EYA1: variants seen among roughly 807,000 people sequenced by gnomAD.
EYA1 encodes EYA transcriptional coactivator and phosphatase 1, also known as protein phosphatase EYA1.
In EYA1, 16 loss-of-function variants were observed where a neutral mutation model predicts 82.0. That is an observed-to-expected ratio of 0.20 (90% CI 0.13 to 0.30). The LOEUF (loss-of-function observed/expected upper bound fraction) is 0.30, where lower values mean the gene tolerates loss of function less well. Ranked by LOEUF, EYA1 falls within the 10% of genes least tolerant of loss-of-function variation. The pLI, the probability that EYA1 is intolerant of heterozygous loss-of-function variation, is 1.00. For missense variants in EYA1, 633 were observed against 730.7 expected (o/e 0.87, Z 1.54); for synonymous variants, 261 against 264.4 (o/e 0.99, Z 0.12).
At chr8:71,370,065 C>G (rs1827992251) in intron 2 of EYA1, among the ~76,000 whole-genome samples, 2 of 151,992 alleles carry the variant, frequency 1.3e-5, no homozygotes, top group Admixed American at 1.3e-4. Context: ...ATACCACATT[C>G]TAGCTATGTC....
At chr8:71,315,742 A>G (rs1821855887) in intron 7 of EYA1, among the ~76,000 whole-genome samples, 1 of 152,214 alleles carries the variant, frequency 6.6e-6, no homozygotes, top group African/African-American at 2.4e-5. Context: ...GATATTCAGC[A>G]TGTGCAGAAC....
chr8:71,293,481 A>G (rs1203639382), intron 9 of EYA1, among the ~76,000 whole-genome samples: 2 of 152,200 alleles, frequency 1.3e-5, no homozygotes, highest in Non-Finnish European at 2.9e-5. Context: ...AGGCATTACA[A>G]GATATGAAAA....
chr8:71,313,199 G>T (rs972006), intron 7 of EYA1, among the ~76,000 whole-genome samples: 1 of 151,768 alleles, frequency 6.6e-6, no homozygotes, highest in East Asian at 1.9e-4. Flanking sequence ...TTTCTCCCCC[G>T]CTTTTTCGGT....
At chr8:71,545,347 C>A (rs537017371) in intron 1 of EYA1, among the ~76,000 whole-genome samples, 77 of 151,990 alleles carry the variant, frequency 5.1e-4, no homozygotes, top group African/African-American at 1.6e-3. Context: ...TTTTTATATC[C>A]AAAAAGAAAC....
intron 2 of EYA1, among the ~76,000 whole-genome samples, chr8:71,421,958 G>T (rs1249052245): frequency 6.6e-6 from 1 of 152,128 alleles, no homozygotes; most frequent in African/African-American, 2.4e-5. Flanking sequence ...CAGTATTCAA[G>T]GTATGTTGGG....
At chr8:71,370,540 C>T (rs1828021211) in intron 2 of EYA1, among the ~76,000 whole-genome samples, 2 of 151,308 alleles carry the variant, frequency 1.3e-5, no homozygotes, top group South Asian at 4.2e-4. Context: ...CCCTAGAGCA[C>T]CAGTAAAGGG....
chr8:71,419,104 C>A (rs1448512451), intron 2 of EYA1, among the ~76,000 whole-genome samples: 2 of 152,014 alleles, frequency 1.3e-5, no homozygotes, highest in Non-Finnish European at 2.9e-5. Flanking sequence ...TGGCACTCTG[C>A]AGAGTAAAAT....
intron 12 of EYA1, among the ~76,000 whole-genome samples, chr8:71,228,112 TA>T (rs1443486701): frequency 5.3e-5 from 8 of 152,268 alleles, no homozygotes; most frequent in Admixed American, 3.3e-4. Context: ...AGGCACTTTT[TA>T]AAAAGCAGTT....
intron 2 of EYA1, among the ~76,000 whole-genome samples, chr8:71,457,790 G>GA (rs1808062872): frequency 6.6e-6 from 1 of 152,108 alleles, no homozygotes. Context: ...TGTAAATGAT[G>GA]AGTTAATGGG....
At chr8:71,441,870 C>T (rs1206505074) in intron 2 of EYA1, among the ~76,000 whole-genome samples, 2 of 151,966 alleles carry the variant, frequency 1.3e-5, no homozygotes, top group Non-Finnish European at 2.9e-5. Context: ...GGAATTAATT[C>T]GCTTATAAAA....
chr8:71,521,633 G>T (rs1223482969), intron 2 of EYA1, among the ~76,000 whole-genome samples: 1 of 152,036 alleles, frequency 6.6e-6, no homozygotes, highest in South Asian at 2.1e-4. Context: ...GTGAAACAGG[G>T]TCTCTTAACA....
chr8:71,469,142 G>C (rs180902948), intron 2 of EYA1, among the ~76,000 whole-genome samples: 13 of 148,524 alleles, frequency 8.8e-5, no homozygotes, highest in Non-Finnish European at 1.8e-4. Context: ...AGGCACCCTA[G>C]TACATGTTAA....
chr8:71,408,080 A>C (rs1211733927), intron 2 of EYA1, among the ~76,000 whole-genome samples: 1 of 152,140 alleles, frequency 6.6e-6, no homozygotes, highest in Non-Finnish European at 1.5e-5. Flanking sequence ...ACATGCTTAA[A>C]GAAAAGAATT....
chr8:71,348,843 G>C lies in EYA1; in HGVS notation c.124+5939C>G, dbSNP rs572404301. On this transcript the variant is annotated intron_variant, in intron 3 of 17. Transcript: ENST00000340726. ...GCCCCCAACAAATGCCAACAGTGTTGCTTGGCTGGTATAATTTAGTTCTTA... is the reference window on the plus strand; with the variant it reads ...GCCCCCAACAAATGCCAACAGTGTTCCTTGGCTGGTATAATTTAGTTCTTA... Among the ~76,000 whole-genome samples, 24 of 152,276 alleles carry C rather than the reference G, an allele frequency of 1.6e-4. No individual in the cohort carries two copies. In the South Asian group the frequency reaches 4.6e-3, roughly 29 times the overall value.
intron 2 of EYA1, among the ~76,000 whole-genome samples, chr8:71,471,896 TA>T (rs1312873081): frequency 6.6e-6 from 1 of 152,070 alleles, no homozygotes. Flanking sequence ...GTCTCCCTTA[TA>T]AACTAGCCAT....
At chr8:71,492,086 C>T (rs1045386203) in intron 2 of EYA1, among the ~76,000 whole-genome samples, 2 of 152,202 alleles carry the variant, frequency 1.3e-5, no homozygotes, top group South Asian at 2.1e-4. Flanking sequence ...GGTTAGGTGT[C>T]GATGCCAGTC....
At chr8:71,534,092 A>G (rs1351072552) in intron 2 of EYA1, among the ~76,000 whole-genome samples, 34 of 152,244 alleles carry the variant, frequency 2.2e-4, no homozygotes, top group Non-Finnish European at 2.9e-5. Context: ...GTATCAAAAG[A>G]AACATTATTG....
At chr8:71,376,696 C>A (rs1486003059) in intron 2 of EYA1, among the ~76,000 whole-genome samples, 1 of 152,148 alleles carries the variant, frequency 6.6e-6, no homozygotes, top group East Asian at 1.9e-4. Flanking sequence ...AGGATGACTG[C>A]AGTCTCTCCG....
intron 2 of EYA1, among the ~76,000 whole-genome samples, chr8:71,416,443 A>C (rs1830856936): frequency 6.6e-6 from 1 of 152,206 alleles, no homozygotes; most frequent in Admixed American, 6.5e-5. Flanking sequence ...CAGAGTACAA[A>C]AGTACAATAC....
Sources: allele counts gnomAD v4.1 joint callset (sites outside exome capture counted in the v4.1 genomes callset), GRCh38; gene constraint gnomAD v4.1.1; transcripts MANE v1.5; gene names NCBI Gene and HGNC (gene_info 2026-07-23, HGNC 2026-07-21).